Variants in ANO3 observed in about 807,000 individuals in gnomAD.
The protein encoded by ANO3 is anoctamin-3.
In ANO3, 99 loss-of-function variants were observed where a neutral mutation model predicts 144.8. The observed-to-expected ratio is 0.68, with a 90% CI of 0.58 to 0.81. The LOEUF (loss-of-function observed/expected upper bound fraction) is 0.81, where lower values mean the gene tolerates loss of function less well. ANO3 is among the 30% of genes least tolerant of loss of function. ANO3 has a pLI of 0.00. For missense variants in ANO3, 905 were observed against 1,202.2 expected, an observed-to-expected ratio of 0.75 and a Z score of 3.66; for synonymous variants, 414 against 392.6, an observed-to-expected ratio of 1.05 and a Z score of -0.64.
At chr11:26,504,955 T>A (rs1207092975) in intron 4 of ANO3, among the ~76,000 whole-genome samples, 1 of 129,040 alleles carries the variant, frequency 7.7e-6, no homozygotes, top group African/African-American at 3.0e-5. Flanking sequence ...GAGCTTGCAG[T>A]GAGTGGAGAT....
chr11:26,213,546 A>C (rs1851977547), intron 1 of ANO3, among the ~76,000 whole-genome samples: 1 of 152,218 alleles, frequency 6.6e-6, no homozygotes, highest in Non-Finnish European at 1.5e-5. Flanking sequence ...AAGAGAATAA[A>C]GTACTTAGAA....
intron 1 of ANO3, among the ~76,000 whole-genome samples, chr11:26,230,797 C>CAAAAAAA (rs1168180646): frequency 4.4e-4 from 5 of 11,336 alleles, no homozygotes; most frequent in African/African-American, 7.1e-4. Context: ...ACTCCATCTC[C>CAAAAAAA]AAAAAAAAAA....
chr11:26,322,560 T>C (rs1159172912), intron 1 of ANO3, among the ~76,000 whole-genome samples: 1 of 152,126 alleles, frequency 6.6e-6, no homozygotes, highest in African/African-American at 2.4e-5. Flanking sequence ...GGATTATTGG[T>C]CAGGTATATT....
chr11:26,620,301 C>T (rs769055566), intron 17 of ANO3, among the ~76,000 whole-genome samples: 52 of 152,122 alleles, frequency 3.4e-4, no homozygotes, highest in Non-Finnish European at 5.4e-4. Context: ...AGCATGACAG[C>T]TGCCTGGTCT....
At chr11:26,317,763 T>C (rs1041677594) in intron 1 of ANO3, among the ~76,000 whole-genome samples, 5 of 152,202 alleles carry the variant, frequency 3.3e-5, no homozygotes, top group African/African-American at 1.2e-4. Flanking sequence ...ACTGGGTATA[T>C]ACCCAAAGGA....
At chr11:26,586,518 T>TG (rs1429847710) in intron 14 of ANO3, among the ~76,000 whole-genome samples, 2 of 143,730 alleles carry the variant, frequency 1.4e-5, no homozygotes, top group Non-Finnish European at 3.0e-5. Flanking sequence ...TTTTTTTTTT[T>TG]TTTGAGACAT....
At chr11:26,248,269 C>G (rs929772161) in intron 1 of ANO3, among the ~76,000 whole-genome samples, 1 of 151,874 alleles carries the variant, frequency 6.6e-6, no homozygotes, top group Non-Finnish European at 1.5e-5. Flanking sequence ...ACCCGGGAGG[C>G]GGAGGTCGTG....
chr11:26,385,222 G>A (rs1433816815), intron 1 of ANO3, among the ~76,000 whole-genome samples: 2 of 152,180 alleles, frequency 1.3e-5, no homozygotes, highest in East Asian at 3.9e-4. Context: ...CATATTAGGA[G>A]CTATGTTTCT....
intron 1 of ANO3, among the ~76,000 whole-genome samples, chr11:26,421,556 C>A: frequency 6.6e-6 from 1 of 151,904 alleles, no homozygotes; most frequent in Non-Finnish European, 1.5e-5. Context: ...TAAAATTTTT[C>A]TTTTATAGAC....
chr11:26,588,402 A>G (rs1275275561), intron 14 of ANO3, among the ~76,000 whole-genome samples: 1 of 152,224 alleles, frequency 6.6e-6, no homozygotes, highest in East Asian at 1.9e-4. Flanking sequence ...TAAATAAGCC[A>G]TTAATAAAAT....
intron 4 of ANO3, among the ~76,000 whole-genome samples, chr11:26,478,348 C>T (rs1204835471): frequency 6.6e-6 from 1 of 152,074 alleles, no homozygotes; most frequent in Non-Finnish European, 1.5e-5. Flanking sequence ...CTAGAATAGC[C>T]TTTGTTTTCT....
At position 26,373,612 on chromosome 11, in the gene ANO3, T is replaced by C. The variant is rs376316044; in HGVS notation, c.46+41291T>C. On this transcript the variant is annotated intron_variant, in intron 1 of 26. Coordinates refer to ENST00000256737, the MANE Select transcript of ANO3 (RefSeq NM_031418.4). ...CTAAATAGTTCTGGTTCTAATTTAG[T>C]CCTGATACTTCTTACTTTTGTGATC... 1.1e-4 allele frequency among the ~76,000 whole-genome samples: 16 copies of C among 152,330 alleles called. 1 individual carries two copies. Among genetic ancestry groups the C allele is most frequent in the African/African-American group, 3.8e-4 (16 of 41,584 alleles).
At chr11:26,625,233 C>T (rs1265406435) in intron 18 of ANO3, among the ~76,000 whole-genome samples, 1 of 152,184 alleles carries the variant, frequency 6.6e-6, no homozygotes, top group Non-Finnish European at 1.5e-5. Context: ...CTACTTTTAA[C>T]ATTTTTATCT....
chr11:26,344,027 A>T (rs922361899), intron 1 of ANO3, among the ~76,000 whole-genome samples: 16 of 152,224 alleles, frequency 1.1e-4, no homozygotes, highest in Non-Finnish European at 2.2e-4. Context: ...AAAAATCATA[A>T]CGTACCTTTA....
chr11:26,233,043 C>A (rs12790635), intron 1 of ANO3, among the ~76,000 whole-genome samples: 1 of 151,590 alleles, frequency 6.6e-6, no homozygotes, highest in African/African-American at 2.4e-5. Context: ...GGTGAAACCC[C>A]GTCTCTACTA....
intron 12 of ANO3, among the ~76,000 whole-genome samples, chr11:26,551,913 A>G (rs1429847268): frequency 6.6e-6 from 1 of 152,028 alleles, no homozygotes; most frequent in Non-Finnish European, 1.5e-5. Flanking sequence ...TAGTATATGT[A>G]AGACCCATTT....
intron 1 of ANO3, among the ~76,000 whole-genome samples, chr11:26,213,785 T>G (rs778655023): frequency 5.3e-5 from 8 of 152,224 alleles, no homozygotes; most frequent in Non-Finnish European, 1.2e-4. Flanking sequence ...TACTTTAAGT[T>G]TTTGACTTTT....
At position 26,355,468 on chromosome 11, in the gene ANO3, G is replaced by GT. The variant is rs532521450; in HGVS notation, c.46+23153dup. ...TGTTTATTTCATTTCACTTTCTTTTGTTTTTTCTCTGAAAGAACTCATTCA... is the reference window on the plus strand; with the variant it reads ...TGTTTATTTCATTTCACTTTCTTTTGTTTTTTTCTCTGAAAGAACTCATTCA... On this transcript the variant is annotated intron_variant, in intron 1 of 26. Transcript: ENST00000256737. Among the ~76,000 whole-genome samples, 74 of 150,270 alleles carry GT rather than the reference G, an allele frequency of 4.9e-4. 1 individual carries two copies. Among genetic ancestry groups the GT allele is most frequent in the South Asian group, 2.3e-3 (11 of 4,756 alleles).
At chr11:26,264,540 G>A (rs904117660) in intron 1 of ANO3, among the ~76,000 whole-genome samples, 1 of 152,178 alleles carries the variant, frequency 6.6e-6, no homozygotes. Context: ...TTTTATGCCA[G>A]TAGAGGAGGG....
Sources: gnomAD v4.1 joint callset for allele counts (sites outside exome capture counted in the v4.1 genomes callset) on GRCh38, gnomAD v4.1.1 for gene constraint, MANE v1.5 for transcripts, NCBI Gene and HGNC (gene_info 2026-07-23, HGNC 2026-07-21) for gene names.